CNTNAP2: variants seen among roughly 807,000 people sequenced by gnomAD.
The protein encoded by CNTNAP2 is contactin associated protein 2.
A neutral mutation model predicts 155.2 loss-of-function variants in CNTNAP2; 98 were observed. The ratio of observed to expected loss-of-function variants is 0.63; its 90% CI spans 0.54 to 0.75. The LOEUF (loss-of-function observed/expected upper bound fraction) is 0.75, where lower values mean the gene tolerates loss of function less well. Among genes scored for constraint, CNTNAP2 ranks in the 30% least tolerant of loss-of-function variants. The pLI, the probability that CNTNAP2 is intolerant of heterozygous loss-of-function variation, is 0.00. For synonymous variants in CNTNAP2, 651 were observed against 631.2 expected, an observed-to-expected ratio of 1.03 and a Z score of -0.47; for missense variants, 1,727 against 1,688.1, an observed-to-expected ratio of 1.02 and a Z score of -0.40.
chr7:147,856,821 G>A (rs1799047985), intron 13 of CNTNAP2, among the ~76,000 whole-genome samples: 1 of 152,044 alleles, frequency 6.6e-6, no homozygotes, highest in Non-Finnish European at 1.5e-5. Flanking sequence ...GGGTGGTTAG[G>A]TTTTGGAAAA....
intron 4 of CNTNAP2, among the ~76,000 whole-genome samples, chr7:147,059,539 T>A (rs560292259): frequency 6.6e-6 from 1 of 152,150 alleles, no homozygotes; most frequent in South Asian, 2.1e-4. Context: ...ACTATCCCCA[T>A]GCTTGCTTTT....
chr7:146,235,192 T>TC (rs35599769), intron 1 of CNTNAP2, among the ~76,000 whole-genome samples: 110,284 of 151,672 alleles, frequency 0.73, 40,452 homozygotes, highest in East Asian at 0.94. Flanking sequence ...ATGTAAAAAT[T>TC]AGATAGTTTC....
intron 10 of CNTNAP2, among the ~76,000 whole-genome samples, chr7:147,414,745 T>C (rs926162826): frequency 1.3e-5 from 2 of 151,794 alleles, no homozygotes; most frequent in East Asian, 2.0e-4. Flanking sequence ...ATCGAGACTA[T>C]CCTGGCTAAC....
chr7:148,096,371 G>A (rs1803971205), intron 15 of CNTNAP2, among the ~76,000 whole-genome samples: 1 of 151,578 alleles, frequency 6.6e-6, no homozygotes, highest in African/African-American at 2.4e-5. Context: ...ATTATTATAA[G>A]TATAGATATA....
At chr7:146,179,191 G>C (rs1798513665) in intron 1 of CNTNAP2, among the ~76,000 whole-genome samples, 1 of 152,138 alleles carries the variant, frequency 6.6e-6, no homozygotes, top group African/African-American at 2.4e-5. Flanking sequence ...GATGGTTTTG[G>C]AGTGGATAAT....
intron 3 of CNTNAP2, among the ~76,000 whole-genome samples, chr7:146,880,356 T>C (rs923236532): frequency 1.3e-5 from 2 of 151,324 alleles, no homozygotes; most frequent in Non-Finnish European, 3.0e-5. Context: ...ACCAAGAAGG[T>C]AGCCACCTGT....
intron 1 of CNTNAP2, among the ~76,000 whole-genome samples, chr7:146,185,790 C>T (rs1325263011): frequency 4.8e-5 from 7 of 146,160 alleles, no homozygotes; most frequent in Admixed American, 6.8e-5. Flanking sequence ...TAGAACACAC[C>T]GAGCTTCTTT....
chr7:147,439,544 T>C (rs768788520), intron 10 of CNTNAP2, among the ~76,000 whole-genome samples: 1 of 152,024 alleles, frequency 6.6e-6, no homozygotes, highest in Admixed American at 6.6e-5. Context: ...AAAAAAAGAA[T>C]GTACATTCTG....
rs747294211 is a variant in CNTNAP2, at chr7:147,525,438, C to T, written c.1778-36700C>T. Among the ~76,000 whole-genome samples, 8 of 152,296 alleles carry T rather than the reference C, an allele frequency of 5.3e-5. No homozygotes were observed. The South Asian group carries it at 1.0e-3, about 20-fold the overall frequency. ...ATAAGGAAAGCAATGCAAACCAACA[C>T]TCCAAGCCCTTAAATCATATTCTAA... On this transcript the variant is annotated intron_variant, in intron 11 of 23. Coordinates refer to ENST00000361727, the MANE Select transcript of CNTNAP2 (RefSeq NM_014141.6).
chr7:148,281,863 G>A (rs1796978683), intron 21 of CNTNAP2, among the ~76,000 whole-genome samples: 2 of 144,796 alleles, frequency 1.4e-5, no homozygotes, highest in Admixed American at 1.4e-4. Flanking sequence ...TTGAGACGGA[G>A]TCTCACTCTG....
intron 21 of CNTNAP2, among the ~76,000 whole-genome samples, chr7:148,280,725 C>A (rs1478684023): frequency 6.6e-6 from 1 of 151,964 alleles, no homozygotes. Context: ...TTCAGACCAG[C>A]CTAGTCAACA....
intron 1 of CNTNAP2, among the ~76,000 whole-genome samples, chr7:146,597,912 C>T (rs796878339): frequency 3.9e-5 from 6 of 152,244 alleles, no homozygotes; most frequent in African/African-American, 9.6e-5. Flanking sequence ...CTCCTAGAGT[C>T]ACATGCATCT....
At chr7:146,757,687 C>T (rs1012470323) in intron 1 of CNTNAP2, among the ~76,000 whole-genome samples, 8 of 152,062 alleles carry the variant, frequency 5.3e-5, no homozygotes, top group South Asian at 2.1e-4. Context: ...GTTCAGAGGC[C>T]GGCTTCAGTA....
chr7:147,583,501 GAC>G (rs1563008245), intron 12 of CNTNAP2, among the ~76,000 whole-genome samples: 1 of 69,580 alleles, frequency 1.4e-5, no homozygotes, highest in South Asian at 4.4e-4. Flanking sequence ...TAAAAGACAT[GAC>G]ATATATATAT....
At chr7:148,046,713 G>A (rs1802781694) in intron 15 of CNTNAP2, among the ~76,000 whole-genome samples, 1 of 152,092 alleles carries the variant, frequency 6.6e-6, no homozygotes, top group Admixed American at 6.5e-5. Flanking sequence ...CAACATGAAT[G>A]CATTTAATTA....
intron 21 of CNTNAP2, among the ~76,000 whole-genome samples, chr7:148,279,220 G>T (rs1046328862): frequency 6.6e-6 from 1 of 152,156 alleles, no homozygotes; most frequent in Non-Finnish European, 1.5e-5. Context: ...CTGCAGAAGG[G>T]GTGGGCTGAT....
intron 15 of CNTNAP2, among the ~76,000 whole-genome samples, chr7:147,987,441 C>T (rs1273862141): frequency 6.6e-6 from 1 of 152,132 alleles, no homozygotes; most frequent in African/African-American, 2.4e-5. Flanking sequence ...CTTTCAAATA[C>T]CATTTGTATT....
At chr7:146,381,178 T>G (rs2129104952) in intron 1 of CNTNAP2, among the ~76,000 whole-genome samples, 1 of 152,164 alleles carries the variant, frequency 6.6e-6, no homozygotes, top group South Asian at 2.1e-4. Flanking sequence ...TCAGCGAACA[T>G]GTCACAAGCA....
At chr7:146,248,187 A>G (rs2116938979) in intron 1 of CNTNAP2, among the ~76,000 whole-genome samples, 1 of 151,972 alleles carries the variant, frequency 6.6e-6, no homozygotes, top group Admixed American at 6.5e-5. Flanking sequence ...GAAATAAGGG[A>G]TCGAGGCGCA....
Sources: allele counts gnomAD v4.1 joint callset (sites outside exome capture counted in the v4.1 genomes callset), GRCh38; gene constraint gnomAD v4.1.1; transcripts MANE v1.5; gene names NCBI Gene and HGNC (gene_info 2026-07-23, HGNC 2026-07-21).